The following VAV3 variants were observed in gnomAD, a reference collection of about 807,000 sequenced individuals.
VAV3 encodes the protein guanine nucleotide exchange factor VAV3.
A neutral mutation model predicts 131.2 loss-of-function variants in VAV3; 94 were observed. The ratio of observed to expected loss-of-function variants is 0.72; its 90% CI spans 0.61 to 0.85. VAV3 has a LOEUF of 0.85. VAV3 is among the 40% of genes least tolerant of loss of function. The pLI is 0.00. For synonymous variants in VAV3, 349 were observed against 342.0 expected, an observed-to-expected ratio of 1.02 and a Z score of -0.22; for missense variants, 939 against 1,002.7, an observed-to-expected ratio of 0.94 and a Z score of 0.86.
At chr1:107,655,350 C>T (rs755708003) in intron 19 of VAV3, among the ~76,000 whole-genome samples, 2 of 151,966 alleles carry the variant, frequency 1.3e-5, no homozygotes, top group Non-Finnish European at 1.5e-5. Context: ...TTGATAAAGG[C>T]GCCAAGAACA....
intron 4 of VAV3, among the ~76,000 whole-genome samples, chr1:107,775,470 T>A (rs1266656107): frequency 6.7e-6 from 1 of 148,282 alleles, no homozygotes. Flanking sequence ...CCCAGCTACT[T>A]GGGAGGCTGA....
chr1:107,754,979 T>TA (rs1664015223), intron 12 of VAV3, among the ~76,000 whole-genome samples: 1 of 152,184 alleles, frequency 6.6e-6, no homozygotes, highest in Non-Finnish European at 1.5e-5. Context: ...ATGGCATTTT[T>TA]AACTCTTTTT....
chr1:107,744,131 A>C (rs1343228433), intron 15 of VAV3, among the ~76,000 whole-genome samples: 3 of 152,196 alleles, frequency 2.0e-5, no homozygotes, highest in African/African-American at 7.2e-5. Flanking sequence ...CCAACAGGAT[A>C]GTGCATCCTG....
intron 2 of VAV3, among the ~76,000 whole-genome samples, chr1:107,794,213 CCACAAAT>C (rs1194086441): frequency 2.6e-5 from 4 of 152,216 alleles, no homozygotes; most frequent in African/African-American, 9.6e-5. Context: ...CAGGCAAGAT[CCACAAAT>C]CTGGGCTGGC....
rs531585340 is a variant in VAV3, at chr1:107,918,415, C to G, written c.205-43398G>C. ...ACACAACACAGACAAGTCTTTAACTCTCTCAGAGTATTTAATGTTTCAAAA... is the reference window on the plus strand; with the variant it reads ...ACACAACACAGACAAGTCTTTAACTGTCTCAGAGTATTTAATGTTTCAAAA... On this transcript the variant is annotated intron_variant, in intron 1 of 26. Transcript: ENST00000370056. 3.3e-5 allele frequency among the ~76,000 whole-genome samples: 5 copies of G among 152,160 alleles called. 1 individual carries two copies. The highest frequency in any genetic ancestry group is 1.2e-4 in the African/African-American group (5 of 41,518).
At chr1:107,753,828 G>A (rs535055400) in intron 12 of VAV3, among the ~76,000 whole-genome samples, 1 of 151,942 alleles carries the variant, frequency 6.6e-6, no homozygotes, top group East Asian at 1.9e-4. Context: ...CCAAAGTGCT[G>A]GGATTACATG....
chr1:107,705,264 C>A (rs1271981246), intron 15 of VAV3, among the ~76,000 whole-genome samples: 1 of 150,706 alleles, frequency 6.6e-6, no homozygotes, highest in African/African-American at 2.4e-5. Context: ...TGGGAACAAG[C>A]AACCTGGAAG....
At chr1:107,891,109 C>G (rs1449281586) in intron 1 of VAV3, among the ~76,000 whole-genome samples, 1 of 151,768 alleles carries the variant, frequency 6.6e-6, no homozygotes, top group Non-Finnish European at 1.5e-5. Flanking sequence ...TGGTTCAAGC[C>G]CTGATGTCCT....
At chr1:107,724,104 C>T (rs1050806717) in intron 15 of VAV3, among the ~76,000 whole-genome samples, 1 of 149,024 alleles carries the variant, frequency 6.7e-6, no homozygotes, top group Non-Finnish European at 1.5e-5. Context: ...TCATGAAGAA[C>T]AACAGCAACA....
intron 25 of VAV3, among the ~76,000 whole-genome samples, chr1:107,589,187 G>A (rs926481972): frequency 1.3e-5 from 2 of 152,174 alleles, no homozygotes; most frequent in African/African-American, 2.4e-5. Flanking sequence ...GCAGTGGGTC[G>A]AATGGTGGCC....
chr1:107,880,879 A>T (rs182082707), intron 1 of VAV3, among the ~76,000 whole-genome samples: 1 of 152,170 alleles, frequency 6.6e-6, no homozygotes, highest in East Asian at 1.9e-4. Flanking sequence ...TGTTGTAGTG[A>T]TGTTTCGGTG....
chr1:107,790,863 T>G (rs760138324), intron 2 of VAV3, among the ~76,000 whole-genome samples: 5 of 151,312 alleles, frequency 3.3e-5, no homozygotes. Context: ...AATTTTTGTA[T>G]TTTTACTAGA....
chr1:107,736,617 G>C (rs764031997), intron 15 of VAV3, among the ~76,000 whole-genome samples: 35 of 152,066 alleles, frequency 2.3e-4, no homozygotes, highest in Non-Finnish European at 1.2e-4. Flanking sequence ...GCTACAAAGA[G>C]AATAAAATAC....
At chr1:107,612,656 C>A (rs968071587) in intron 21 of VAV3, among the ~76,000 whole-genome samples, 1 of 151,994 alleles carries the variant, frequency 6.6e-6, no homozygotes, top group Non-Finnish European at 1.5e-5. Context: ...TATATTGTAT[C>A]TTGGACAATT....
intron 2 of VAV3, among the ~76,000 whole-genome samples, chr1:107,842,430 GGT>G (rs1302328049): frequency 6.6e-6 from 1 of 152,162 alleles, no homozygotes; most frequent in Non-Finnish European, 1.5e-5. Context: ...TTTTGTTTCA[GGT>G]GTGTCTCTTA....
rs116570102 is a variant in VAV3, at chr1:107,953,820, G to A, written c.204+10846C>T. Among the ~76,000 whole-genome samples, 1,094 of 152,146 alleles carry A rather than the reference G, an allele frequency of 7.2e-3. 5 individuals carry two copies. Among genetic ancestry groups the A allele is most frequent in the Middle Eastern group, 0.014 (4 of 294 alleles). On this transcript the variant is annotated intron_variant, in intron 1 of 26. Transcript: ENST00000370056. ...TTAAGACAGGCACTCTGAAAACCAT[G>A]GAAGGTGAGTATCAAGTGTATCATT...
intron 17 of VAV3, among the ~76,000 whole-genome samples, chr1:107,698,406 G>T (rs1659877759): frequency 6.6e-6 from 1 of 152,186 alleles, no homozygotes; most frequent in South Asian, 2.1e-4. Context: ...TGTGTTGCCA[G>T]ATGATTTTTG....
intron 17 of VAV3, among the ~76,000 whole-genome samples, chr1:107,701,242 T>A (rs1329414074): frequency 6.6e-6 from 1 of 152,204 alleles, no homozygotes; most frequent in African/African-American, 2.4e-5. Context: ...AACTCTTGAC[T>A]TTTGTGCATC....
At chr1:107,939,644 A>T (rs576989062) in intron 1 of VAV3, among the ~76,000 whole-genome samples, 1 of 152,084 alleles carries the variant, frequency 6.6e-6, no homozygotes, top group Non-Finnish European at 1.5e-5. Context: ...TCAGGACATA[A>T]CCCCATCTAA....
Sources: gnomAD v4.1 joint callset for allele counts (sites outside exome capture counted in the v4.1 genomes callset) on GRCh38, gnomAD v4.1.1 for gene constraint, MANE v1.5 for transcripts, NCBI Gene and HGNC (gene_info 2026-07-23, HGNC 2026-07-21) for gene names.